RAET1L: variants seen among roughly 807,000 people sequenced by gnomAD.
RAET1L encodes UL16-binding protein 6.
Under a neutral mutation model 23.9 loss-of-function variants are expected in RAET1L, and 16 were observed. The ratio of observed to expected loss-of-function variants is 0.67; its 90% CI spans 0.45 to 1.02. The LOEUF (loss-of-function observed/expected upper bound fraction) is 1.02. Among genes scored for constraint, RAET1L ranks in the 50% least tolerant of loss-of-function variants. The pLI, the probability that RAET1L is intolerant of heterozygous loss-of-function variation, is 0.00. For missense variants in RAET1L, 233 were observed against 304.0 expected (o/e 0.77, Z 1.74); for synonymous variants, 70 against 111.2 (o/e 0.63, Z 2.33).
intron 2 of RAET1L, among the ~76,000 whole-genome samples, chr6:150,021,694 C>T (rs1414874878): frequency 6.9e-6 from 1 of 145,038 alleles, no homozygotes; most frequent in African/African-American, 2.6e-5. Flanking sequence ...CTGCCGGGTT[C>T]AAGGGATCCT....
chr6:150,019,500 C>G lies in RAET1L; in HGVS notation c.*22+608G>C, dbSNP rs1319207718. On this transcript the variant is annotated intron_variant, in intron 4 of 4. Coordinates refer to ENST00000367341, the MANE Select transcript of RAET1L (RefSeq NM_130900.3). ...CTGCCTCAGGGCCCAGACTCAAACC[C>G]CACGGGTACATGGGACTGACTTTTT... Among the ~76,000 whole-genome samples, 7 of 152,170 alleles carry G rather than the reference C, an allele frequency of 4.6e-5. No homozygotes were observed. In the South Asian group the frequency reaches 1.0e-3, roughly 23 times the overall value.
rs142930646 is a variant in RAET1L, at chr6:150,025,388, G to A, written c.84C>T (p.Asp28=). The change falls in exon 1 of 5, where the codon GAC becomes GAT. Residue 28 remains aspartate (D), a splice_region_variant and synonymous_variant. Transcript: ENST00000367341. The part of the protein sequence containing the change: ...LLFGWSRARR[D]DPHSLCYDIT... ...CTTAGGCTCCATCCACCAGCTCACC[G>A]TCTCGCCTAGCCCGGGACCAGCCGA... 5 of 1,613,068 alleles carry A rather than the reference G, an allele frequency of 3.1e-6. No homozygotes were observed. In the Admixed American group the frequency reaches 5.0e-5, roughly 16 times the overall value.
At chr6:150,021,667 C>T (rs1256326428) in intron 2 of RAET1L, among the ~76,000 whole-genome samples, 2 of 138,726 alleles carry the variant, frequency 1.4e-5, no homozygotes, top group Non-Finnish European at 3.2e-5. Context: ...ACCACCTCGG[C>T]TCACTGCAGC....
In RAET1L at chr6:150,021,824, C is replaced by T. The variant is rs1443973350; in HGVS notation, c.349+156G>A. Among the ~76,000 whole-genome samples the T allele has an allele frequency of 2.0e-5, 3 of 151,994 alleles. No individual in the cohort carries two copies. In the East Asian group the frequency reaches 5.8e-4, roughly 29 times the overall value. ...TGGTCAGGCGGTCTCGAATTCCTGACCTTGTGATCGGCCCACCTCTACCTC... is the reference window on the plus strand; with the variant it reads ...TGGTCAGGCGGTCTCGAATTCCTGATCTTGTGATCGGCCCACCTCTACCTC... On this transcript the variant is annotated intron_variant, in intron 2 of 4. Coordinates refer to ENST00000367341, the MANE Select transcript of RAET1L (RefSeq NM_130900.3).
In RAET1L at chr6:150,018,815, C is replaced by A. The variant is rs1314976739; in HGVS notation, c.*63G>T. 6.0e-6 allele frequency: 2 copies of A among 333,110 alleles called. No homozygotes were observed. The highest frequency in any genetic ancestry group is 1.2e-5 in the Non-Finnish European group (2 of 169,376). The allele number at this position is 333,110 out of a possible 1,614,324, so 20.6% of individuals were successfully genotyped here. ...GGCCAGACAGAAGGGCGAGGTTGAT[C>A]AAGACCGTGCTCACAGGGGCTTTTT... On this transcript the variant is annotated 3_prime_UTR_variant, in exon 5 of 5. Transcript: ENST00000367341.
intron 1 of RAET1L, among the ~76,000 whole-genome samples, chr6:150,024,449 T>A (rs377477649): frequency 0.021 from 3,227 of 151,646 alleles, 127 homozygotes; most frequent in African/African-American, 0.075. Context: ...GGAGAACCCA[T>A]GGCCTGCAAA....
rs1775877892 is a variant in RAET1L at position 150,025,451 on chromosome 6, T to C, written c.21A>G (p.Pro7=). ...GAAGCGGGAGGCACAGAAGCAAAGC[T>C]GGGATGGCGGCTGCTGCCATTGGGG... MAAAAI[P]ALLLCLPLLF... is the part of the protein sequence containing the mutation. Residue 7 remains proline (P), a synonymous_variant, in exon 1 of 5, where the codon CCA becomes CCG. Transcript: ENST00000367341. The C allele has an allele frequency of 6.2e-7, 1 of 1,613,824 alleles. No individual in the cohort carries two copies. The highest frequency in any genetic ancestry group is 1.3e-5 in the African/African-American group (1 of 74,908).
At chr6:150,020,387 T>C (rs552480641) in intron 3 of RAET1L, 148 bp from the exon 4 acceptor site, 1 of 1,482,624 alleles carries the variant, frequency 6.7e-7, no homozygotes, top group East Asian at 2.4e-5. Context: ...TGACAGGTCC[T>C]GGCTTAGGAA....
In RAET1L at chr6:150,021,064, A is replaced by G; in HGVS notation, c.472T>C (p.Trp158Arg). The change falls in exon 3 of 5, where the codon TGG (tryptophan) becomes CGG (arginine). Residue 158 changes from tryptophan to arginine, a missense_variant. Transcript: ENST00000367341. Reference sequence around the variant, plus strand: ...CTGGCTCCAGGATGAACCGTTGTCCACATTCTCTTCTCTGAGTCAAAGAGT... The same window carrying G: ...CTGGCTCCAGGATGAACCGTTGTCCGCATTCTCTTCTCTGAGTCAAAGAGT... ...FLLFDSEKRMWTTVHPGARKM... is the reference protein window; with the variant it reads ...FLLFDSEKRMRTTVHPGARKM... 5 of 1,614,170 alleles carry G rather than the reference A, an allele frequency of 3.1e-6. No homozygotes were observed. The highest frequency in any genetic ancestry group is 4.2e-6 in the Non-Finnish European group (5 of 1,180,022).
Position 150,024,843 on chromosome 6 carries a change from G to A in RAET1L, c.85+544C>T, listed in dbSNP as rs1306130846. ...GTGGTGGCAGTGGATGGTGAGGGGA[G>A]GGGTGGCGGGTATCTGCTGAGCCCC... On this transcript the variant is annotated intron_variant, in intron 1 of 4. Coordinates refer to ENST00000367341, the MANE Select transcript of RAET1L (RefSeq NM_130900.3). Among the ~76,000 whole-genome samples, 2 of 152,148 alleles carry A rather than the reference G, an allele frequency of 1.3e-5. 1 individual carries two copies. Among genetic ancestry groups the A allele is most frequent in the Non-Finnish European group, 2.9e-5 (2 of 68,022 alleles).
chr6:150,020,466 C>T (rs537014944), intron 3 of RAET1L, among the ~76,000 whole-genome samples: 1 of 152,158 alleles, frequency 6.6e-6, no homozygotes, highest in African/African-American at 2.4e-5. Context: ...TGACAACACA[C>T]CCCACCCTCC....
intron 1 of RAET1L, among the ~76,000 whole-genome samples, chr6:150,024,557 A>G (rs918198584): frequency 6.0e-5 from 9 of 150,356 alleles, no homozygotes; most frequent in Non-Finnish European, 1.2e-4. Flanking sequence ...CGTAGGAAGA[A>G]CAGGCGGTCT....
chr6:150,019,430 C>G (rs1308808220), intron 4 of RAET1L, among the ~76,000 whole-genome samples: 1 of 152,224 alleles, frequency 6.6e-6, no homozygotes, highest in Non-Finnish European at 1.5e-5. Flanking sequence ...AGGGCTATGA[C>G]TGGGCTCAGG....
chr6:150,024,850 C>T (rs1029337076), intron 1 of RAET1L, among the ~76,000 whole-genome samples: 2 of 151,742 alleles, frequency 1.3e-5, no homozygotes, highest in Admixed American at 6.6e-5. Flanking sequence ...GGAGGGGTGG[C>T]GGGTATCTGC....
At position 150,021,052 on chromosome 6, in the gene RAET1L, G is replaced by A; in HGVS notation, c.484C>T (p.His162Tyr). The stretch of plus-strand genomic sequence containing the variant: ...TCTTTCATCTTTCTGGCTCCAGGAT[G>A]AACCGTTGTCCACATTCTCTTCTCT... ...DSEKRMWTTV[H>Y]PGARKMKEKW... Residue 162 changes from histidine (H) to tyrosine (Y), a missense_variant, in exon 3 of 5, where the codon CAT (histidine) becomes TAT (tyrosine). Transcript: ENST00000367341. The A allele has an allele frequency of 1.9e-6, 3 of 1,614,146 alleles. No individual in the cohort carries two copies. The highest frequency in any genetic ancestry group is 2.5e-6 in the Non-Finnish European group (3 of 1,180,038).
chr6:150,020,776 G>A (rs1250526689), intron 3 of RAET1L, 129 bp downstream of exon 3: 18 of 1,464,708 alleles, frequency 1.2e-5, no homozygotes, highest in Admixed American at 6.3e-5. Flanking sequence ...CAGGAGGAGG[G>A]CCCGACGAGG....
chr6:150,018,868 C>T lies in RAET1L; in HGVS notation c.*23-13G>A. ...TATCATCTTTAACCTTCAGAAAGGACCCAAATGTTGGTTTAAGAGGCAGAG... is the reference window on the plus strand; with the variant it reads ...TATCATCTTTAACCTTCAGAAAGGATCCAAATGTTGGTTTAAGAGGCAGAG... On this transcript the variant is annotated splice_polypyrimidine_tract_variant and intron_variant, in intron 4 of 4. Transcript: ENST00000367341. The T allele has an allele frequency of 6.0e-6, 2 of 331,244 alleles. No individual in the cohort carries two copies. Among genetic ancestry groups the T allele is most frequent in the Non-Finnish European group, 5.9e-6 (1 of 168,230 alleles). The allele number at this position is 331,244 out of a possible 1,614,324, so 20.5% of individuals were successfully genotyped here. A position where few individuals can be genotyped will look rare whatever the true frequency, so the allele number is the denominator to read the frequency against.
intron 1 of RAET1L, among the ~76,000 whole-genome samples, chr6:150,023,814 C>T (rs1178793435): frequency 6.6e-6 from 1 of 152,186 alleles, no homozygotes. Context: ...CTGTAGAGTA[C>T]TGCACCTTGG....
At chr6:150,024,449 T>C (rs377477649) in intron 1 of RAET1L, among the ~76,000 whole-genome samples, 222 of 151,324 alleles carry the variant, frequency 1.5e-3, no homozygotes, top group African/African-American at 4.4e-3. Context: ...GGAGAACCCA[T>C]GGCCTGCAAA....
Sources: allele counts gnomAD v4.1 joint callset (sites outside exome capture counted in the v4.1 genomes callset), GRCh38; gene constraint gnomAD v4.1.1; transcripts MANE v1.5; gene names NCBI Gene and HGNC (gene_info 2026-07-23, HGNC 2026-07-21).